CCDC9: variants seen among roughly 807,000 people sequenced by gnomAD.
CCDC9 encodes the protein coiled-coil domain containing 9.
CCDC9 carries 52 observed loss-of-function variants against 65.6 expected under a neutral mutation model. That is an observed-to-expected ratio of 0.79 (90% confidence interval 0.63 to 1.00). The LOEUF (loss-of-function observed/expected upper bound fraction) is 1.00, where lower values mean the gene tolerates loss of function less well. CCDC9 is among the 50% of genes least tolerant of loss of function. CCDC9 has a pLI of 0.00. For synonymous variants in CCDC9, 332 were observed against 280.3 expected (o/e 1.18, Z -1.84); for missense variants, 834 against 757.2 (o/e 1.10, Z -1.19).
chr19:47,260,499 C>T, intron 4 of CCDC9, 77 bp downstream of exon 4: 7 of 1,602,922 alleles, frequency 4.4e-6, no homozygotes, highest in Admixed American at 3.4e-5. Flanking sequence ...CAGGAGCCCC[C>T]AGCTGTCCTG....
chr19:47,272,294 G>A (rs564084526), downstream of CCDC9: 1 of 598,880 alleles, frequency 1.7e-6, no homozygotes, highest in South Asian at 8.9e-5. Context: ...AGGTGAAAAG[G>A]GTGAGCTCGG....
intron 5 of CCDC9, among the ~76,000 whole-genome samples, chr19:47,263,770 T>C (rs1381145096): frequency 1.3e-5 from 2 of 151,862 alleles, no homozygotes; most frequent in African/African-American, 4.8e-5. Flanking sequence ...TTCACCATGT[T>C]GGCCAGGCTG....
chr19:47,275,354 C>T (rs1042940053), downstream of CCDC9: 13 of 1,536,650 alleles, frequency 8.5e-6, no homozygotes, highest in African/African-American at 8.5e-5. Context: ...GGTAACTCTC[C>T]CTTCCACCCC....
At chr19:47,274,589 A>C, downstream of CCDC9, 15 of 163,562 alleles carry the variant, frequency 9.2e-5, no homozygotes, top group East Asian at 1.7e-4. Flanking sequence ...GAGGCGGGCT[A>C]GATGCCTGGG....
intron 8 of CCDC9, among the ~76,000 whole-genome samples, chr19:47,267,335 G>A (rs1025045917): frequency 6.6e-6 from 1 of 152,154 alleles, no homozygotes; most frequent in Admixed American, 6.6e-5. Flanking sequence ...ATGGAGTGCA[G>A]TGGGAGGATC....
intron 1 of CCDC9, among the ~76,000 whole-genome samples, chr19:47,257,111 C>T (rs1435128476): frequency 2.0e-5 from 3 of 147,906 alleles, no homozygotes; most frequent in Admixed American, 1.3e-4. Flanking sequence ...TTCGTCTGAG[C>T]CACGGGCGCG....
Position 47,260,642 on chromosome 19 carries a change from G to C in CCDC9, c.265G>C (p.Ala89Pro), listed in dbSNP as rs780211130. ...RSPGTPRPPG[A>P]SKGGRTPPQQ... ...TCCTGGGACCCCTCGGCCCCCAGGGGCCAGCAAGGGGGGCCGGACTCCTCC... is the reference window on the plus strand; with the variant it reads ...TCCTGGGACCCCTCGGCCCCCAGGGCCCAGCAAGGGGGGCCGGACTCCTCC... Residue 89 changes from alanine to proline, a missense_variant, in exon 5 of 12, where the codon GCC (alanine) becomes CCC (proline). By Grantham distance (27) the Ala-to-Pro change is conservative. Coordinates refer to ENST00000221922, the MANE Select transcript of CCDC9 (RefSeq NM_015603.3). 3.3e-6 allele frequency: 5 copies of C among 1,523,798 alleles called. No individual in the cohort carries two copies. The Admixed American group carries it at 1.1e-4, about 33-fold the overall frequency. 94.4% of individuals were successfully genotyped at this position (1,523,798 alleles called of 1,614,324 possible).
Position 47,271,722 on chromosome 19 carries a change from T to G in CCDC9, c.*44T>G, listed in dbSNP as rs2059122139. On this transcript the variant is annotated 3_prime_UTR_variant, in exon 12 of 12. Coordinates refer to ENST00000221922, the MANE Select transcript of CCDC9 (RefSeq NM_015603.3). ...GTGTGTGTGTGTGTGTGTGTGTGTG[T>G]GTGTGTGTGTGCGCGCGCGCGCGCG... The G allele has an allele frequency of 3.0e-6, 4 of 1,345,118 alleles. No homozygotes were observed. Among genetic ancestry groups the G allele is most frequent in the East Asian group, 2.7e-5 (1 of 37,328 alleles). 83.3% of individuals were successfully genotyped at this position (1,345,118 alleles called of 1,614,324 possible).
At chr19:47,273,107 T>C (rs2059133739), downstream of CCDC9, among the ~76,000 whole-genome samples, 1 of 152,054 alleles carries the variant, frequency 6.6e-6, no homozygotes, top group Admixed American at 6.6e-5. Context: ...TTGGGCCACT[T>C]GTTGGTCGGG....
intron 8 of CCDC9, among the ~76,000 whole-genome samples, chr19:47,269,244 T>C (rs956670701): frequency 6.6e-6 from 1 of 151,988 alleles, no homozygotes; most frequent in African/African-American, 2.4e-5. Flanking sequence ...GTGGGCAAGG[T>C]GGGTAATTAA....
intron 5 of CCDC9, 33 bp from the exon 6 acceptor site, chr19:47,264,570 T>G (rs1239952436): frequency 6.4e-7 from 1 of 1,557,336 alleles, no homozygotes; most frequent in Middle Eastern, 1.7e-4. Flanking sequence ...TAGTTCTCCC[T>G]GAAGCTGGGT....
chr19:47,257,825 T>C (rs2059020970), intron 1 of CCDC9: 1 of 156,164 alleles, frequency 6.4e-6, no homozygotes, highest in Non-Finnish European at 1.4e-5. Context: ...TCTTTGAGCG[T>C]GGGATTGGGA....
At chr19:47,258,284 G>A (rs1368902616) in intron 1 of CCDC9, 46 bp from the exon 2 acceptor site, 11 of 1,061,416 alleles carry the variant, frequency 1.0e-5, no homozygotes, top group South Asian at 3.9e-5. Context: ...GGTGAAGTAG[G>A]TTGGGGGGCC....
In CCDC9 at chr19:47,271,341, A is replaced by T; in HGVS notation, c.1259A>T (p.Glu420Val). Reference protein sequence around the residue: ...EDEGEENEGEEDEEWEDISED... With the variant: ...EDEGEENEGEVDEEWEDISED... Reference sequence around the variant, plus strand: ...GAGGGGGAAGAGAATGAGGGGGAAGAGGATGAAGAATGGGAGGACATAAGT... The same window carrying T: ...GAGGGGGAAGAGAATGAGGGGGAAGTGGATGAAGAATGGGAGGACATAAGT... Residue 420 changes from glutamate to valine, a missense_variant, in exon 12 of 12, where the codon GAG (glutamate) becomes GTG (valine). Transcript: ENST00000221922. 1 of 1,613,082 alleles carries T rather than the reference A, an allele frequency of 6.2e-7. No individual in the cohort carries two copies. The highest frequency in any genetic ancestry group is 8.5e-7 in the Non-Finnish European group (1 of 1,179,444).
At chr19:47,268,266 CAAG>C (rs1193867855) in intron 8 of CCDC9, among the ~76,000 whole-genome samples, 1 of 152,104 alleles carries the variant, frequency 6.6e-6, no homozygotes, top group Non-Finnish European at 1.5e-5. Context: ...CTTCCATAAC[CAAG>C]AAGGAGAAGG....
chr19:47,271,663 T>G lies in CCDC9; in HGVS notation c.1581T>G (p.Pro527=), dbSNP rs2059119093. 5 of 1,592,686 alleles carry G rather than the reference T, an allele frequency of 3.1e-6. 1 individual carries two copies. Among genetic ancestry groups the G allele is most frequent in the Non-Finnish European group, 4.3e-6 (5 of 1,169,894 alleles). ...AGALSPGEAW[P]FESV is the part of the protein sequence containing the mutation. ...CCCTCTCCCCGGGTGAGGCCTGGCC[T>G]TTTGAGAGTGTATGAAGCTGGCTGC... The change falls in exon 12 of 12, where the codon CCT becomes CCG. Residue 527 remains proline (P), a synonymous_variant. Transcript: ENST00000221922.
chr19:47,256,981 G>T (rs1265643731), intron 1 of CCDC9, among the ~76,000 whole-genome samples: 1 of 150,960 alleles, frequency 6.6e-6, no homozygotes, highest in African/African-American at 2.4e-5. Context: ...TCTTGGCCGG[G>T]ACGTTGGGGG....
At chr19:47,266,545 C>T in intron 7 of CCDC9, 66 bp from the exon 8 acceptor site, 1 of 1,447,416 alleles carries the variant, frequency 6.9e-7, no homozygotes, top group South Asian at 1.5e-5. Flanking sequence ...AGTGGATGTG[C>T]CTCGGGGCTT....
In CCDC9 at chr19:47,271,318, G is replaced by A; in HGVS notation, c.1236G>A (p.Glu412=). The A allele has an allele frequency of 1.2e-6, 2 of 1,611,938 alleles. No individual in the cohort carries two copies. The highest frequency in any genetic ancestry group is 1.3e-5 in the African/African-American group (1 of 74,868). The part of the protein sequence containing the change: ...PAPAHRPPED[E]GEENEGEEDE... ...CTGCCCACCGGCCTCCTGAAGACGA[G>A]GGGGAAGAGAATGAGGGGGAAGAGG... The change falls in exon 12 of 12, where the codon GAG becomes GAA. Residue 412 remains glutamate (E), a synonymous_variant. Transcript: ENST00000221922.
Sources: allele counts gnomAD v4.1 joint callset (sites outside exome capture counted in the v4.1 genomes callset), GRCh38; gene constraint gnomAD v4.1.1; transcripts MANE v1.5; gene names NCBI Gene and HGNC (gene_info 2026-07-23, HGNC 2026-07-21).